Variants in PACS1 observed in about 807,000 individuals in gnomAD.
PACS1 encodes the protein phosphofurin acidic cluster sorting protein 1.
PACS1 carries 24 observed loss-of-function variants against 115.0 expected under a neutral mutation model. The ratio of observed to expected loss-of-function variants is 0.21; its 90% CI spans 0.15 to 0.29. The LOEUF (loss-of-function observed/expected upper bound fraction) is 0.29, where lower values mean the gene tolerates loss of function less well. PACS1 is among the 10% of genes least tolerant of loss of function. The probability of loss-of-function intolerance (pLI) is 1.00; values close to 1 mark genes in which losing one functional copy is unlikely to be tolerated. For missense variants in PACS1, 838 were observed against 1,251.2 expected (o/e 0.67, Z 4.98); for synonymous variants, 453 against 504.5 (o/e 0.90, Z 1.37).
intron 10 of PACS1, among the ~76,000 whole-genome samples, chr11:66,221,833 C>A (rs1855357515): frequency 6.6e-6 from 1 of 152,080 alleles, no homozygotes; most frequent in Admixed American, 6.5e-5. Context: ...ATCTCCCCCT[C>A]TGCTGGGCGT....
intron 2 of PACS1, among the ~76,000 whole-genome samples, chr11:66,207,488 C>A (rs188145551): frequency 6.6e-6 from 1 of 152,232 alleles, no homozygotes; most frequent in East Asian, 1.9e-4. Context: ...ACCTTAATAT[C>A]ACAAAATCAG....
intron 1 of PACS1, among the ~76,000 whole-genome samples, chr11:66,146,079 A>G (rs901472772): frequency 7.9e-5 from 12 of 152,138 alleles, no homozygotes; most frequent in African/African-American, 2.9e-4. Flanking sequence ...TATGTCTGTA[A>G]TTTATTATGG....
intron 1 of PACS1, among the ~76,000 whole-genome samples, chr11:66,165,475 G>A (rs748632320): frequency 1.3e-5 from 2 of 152,036 alleles, no homozygotes; most frequent in Non-Finnish European, 2.9e-5. Flanking sequence ...GTCTCTCTAG[G>A]CTGATCTTTC....
chr11:66,185,152 C>A (rs777296853), intron 1 of PACS1, among the ~76,000 whole-genome samples: 2 of 152,040 alleles, frequency 1.3e-5, no homozygotes, highest in African/African-American at 4.8e-5. Context: ...GAAAAGTAAG[C>A]GGTGAGAGCA....
At position 66,191,552 on chromosome 11, in the gene PACS1, C is replaced by G. The variant is rs1043698668; in HGVS notation, c.357-1934C>G. The stretch of plus-strand genomic sequence containing the variant: ...ACTTGAAATGTTTTTCTGTTGCATG[C>G]GTAGAACAGTGAGCCCCCCAACACA... On this transcript the variant is annotated intron_variant, in intron 1 of 23. Coordinates refer to ENST00000320580, the MANE Select transcript of PACS1 (RefSeq NM_018026.4). 5.3e-5 allele frequency among the ~76,000 whole-genome samples: 8 copies of G among 152,208 alleles called. No homozygotes were observed. The South Asian group carries it at 1.7e-3, about 32-fold the overall frequency.
chr11:66,203,764 T>C (rs1854871276), intron 2 of PACS1, among the ~76,000 whole-genome samples: 1 of 152,112 alleles, frequency 6.6e-6, no homozygotes, highest in African/African-American at 2.4e-5. Flanking sequence ...AAGGACAATC[T>C]CTTCAATAAA....
At chr11:66,208,276 A>T (rs532844201) in intron 2 of PACS1, among the ~76,000 whole-genome samples, 4 of 152,132 alleles carry the variant, frequency 2.6e-5, no homozygotes, top group Non-Finnish European at 5.9e-5. Context: ...GAGTAATCAC[A>T]GCTTTGCTGA....
intron 13 of PACS1, 146 bp from the exon 14 acceptor site, chr11:66,232,026 G>T: frequency 1.6e-6 from 1 of 606,764 alleles, no homozygotes. Flanking sequence ...CTGGCCAGTG[G>T]GAGACTGAGT....
At chr11:66,135,942 C>T (rs1858831883) in intron 1 of PACS1, among the ~76,000 whole-genome samples, 1 of 152,116 alleles carries the variant, frequency 6.6e-6, no homozygotes, top group African/African-American at 2.4e-5. Flanking sequence ...CAGGCGTGAG[C>T]CACTACACCC....
At chr11:66,181,479 G>T (rs946192111) in intron 1 of PACS1, among the ~76,000 whole-genome samples, 5 of 152,032 alleles carry the variant, frequency 3.3e-5, no homozygotes, top group Non-Finnish European at 7.4e-5. Flanking sequence ...TTCCCAAAGT[G>T]CTGGGGTTAT....
intron 13 of PACS1, among the ~76,000 whole-genome samples, chr11:66,231,364 T>C (rs975582670): frequency 2.6e-5 from 4 of 152,328 alleles, no homozygotes; most frequent in Admixed American, 2.6e-4. Flanking sequence ...GCGGTCATCG[T>C]GCTTTCAAGC....
At chr11:66,136,323 T>TCTCA (rs1456724621) in intron 1 of PACS1, among the ~76,000 whole-genome samples, 2 of 145,820 alleles carry the variant, frequency 1.4e-5, no homozygotes, top group Admixed American at 6.8e-5. Context: ...AATCCCACTG[T>TCTCA]CACACACACA....
chr11:66,098,383 C>G (rs1237128194), intron 1 of PACS1, among the ~76,000 whole-genome samples: 2 of 152,030 alleles, frequency 1.3e-5, no homozygotes, highest in Non-Finnish European at 2.9e-5. Context: ...GCACATTCCT[C>G]TCACCTCATG....
At chr11:66,130,712 TCTA>T (rs1858680308) in intron 1 of PACS1, among the ~76,000 whole-genome samples, 1 of 152,190 alleles carries the variant, frequency 6.6e-6, no homozygotes, top group Non-Finnish European at 1.5e-5. Flanking sequence ...TATTGCTCTG[TCTA>T]CTGCGTTTTA....
chr11:66,115,030 C>T (rs1319295278), intron 1 of PACS1, among the ~76,000 whole-genome samples: 1 of 151,480 alleles, frequency 6.6e-6, no homozygotes, highest in South Asian at 2.1e-4. Flanking sequence ...CATAGGGAGA[C>T]CCCATCTCTA....
At chr11:66,168,905 G>A (rs1435201662) in intron 1 of PACS1, among the ~76,000 whole-genome samples, 1 of 150,346 alleles carries the variant, frequency 6.7e-6, no homozygotes, top group Non-Finnish European at 1.5e-5. Context: ...TCCTAATAAT[G>A]AGAATTCTTC....
At chr11:66,113,771 T>C (rs1858239752) in intron 1 of PACS1, among the ~76,000 whole-genome samples, 1 of 152,242 alleles carries the variant, frequency 6.6e-6, no homozygotes, top group South Asian at 2.1e-4. Flanking sequence ...TGCTCTGACA[T>C]TAATATACTT....
chr11:66,241,752 G>GCTTCTTCATCCCA, intron 22 of PACS1, 99 bp downstream of exon 22: 2 of 981,172 alleles, frequency 2.0e-6, no homozygotes, highest in Non-Finnish European at 3.1e-6. Flanking sequence ...TATTTGGGAT[G>GCTTCTTCATCCCA]AAGAAGCATC....
intron 2 of PACS1, among the ~76,000 whole-genome samples, chr11:66,197,733 A>C (rs1485856590): frequency 6.6e-6 from 1 of 152,186 alleles, no homozygotes; most frequent in African/African-American, 2.4e-5. Flanking sequence ...TCAAGTTTAC[A>C]ATGAGTTATG....
Sources: gnomAD v4.1 joint callset for allele counts (sites outside exome capture counted in the v4.1 genomes callset) on GRCh38, gnomAD v4.1.1 for gene constraint, MANE v1.5 for transcripts, NCBI Gene and HGNC (gene_info 2026-07-23, HGNC 2026-07-21) for gene names.